Variants in NAT1 observed in about 807,000 individuals in gnomAD.
The protein encoded by NAT1 is arylamine N-acetyltransferase 1.
For synonymous variants in NAT1, 144 were observed against 122.6 expected (o/e 1.17, Z -1.16); for missense variants, 400 against 339.2 (o/e 1.18, Z -1.41).
intron 2 of NAT1, among the ~76,000 whole-genome samples, chr8:18,202,137 A>T (rs1803490104): frequency 6.6e-6 from 1 of 152,078 alleles, no homozygotes; most frequent in African/African-American, 2.4e-5. Context: ...TACATAACAA[A>T]CCTTATCTTT....
At chr8:18,187,475 T>C (rs1308518661) in intron 2 of NAT1, among the ~76,000 whole-genome samples, 2 of 152,150 alleles carry the variant, frequency 1.3e-5, no homozygotes, top group Non-Finnish European at 2.9e-5. Flanking sequence ...GGACTGGCTT[T>C]TAAAAATGTG....
intron 2 of NAT1, among the ~76,000 whole-genome samples, chr8:18,202,632 G>T (rs1019878561): frequency 1.1e-4 from 17 of 152,108 alleles, no homozygotes. Context: ...CGCAGTGAGC[G>T]TTACAGCTAT....
intron 2 of NAT1, among the ~76,000 whole-genome samples, chr8:18,190,137 G>A (rs1802922287): frequency 6.6e-6 from 1 of 152,090 alleles, no homozygotes; most frequent in African/African-American, 2.4e-5. Context: ...ATTTAATTCA[G>A]CTCTTATAAG....
chr8:18,222,410 C>G lies in NAT1; in HGVS notation c.363C>G (p.Val121=). ...QVTIDGRNYI[V]DAGFGRSYQM... ...CCATTGATGGCAGGAACTACATTGT[C>G]GATGCTGGGTTTGGACGCTCATACC... The change falls in exon 3 of 3, where the codon GTC becomes GTG. Residue 121 remains valine (V), a synonymous_variant. Transcript: ENST00000307719. 5 of 1,613,998 alleles carry G rather than the reference C, an allele frequency of 3.1e-6. No homozygotes were observed. Among genetic ancestry groups the G allele is most frequent in the Non-Finnish European group, 3.4e-6 (4 of 1,179,990 alleles).
chr8:18,206,220 T>C (rs2410478), upstream of NAT1, among the ~76,000 whole-genome samples: 1,658 of 152,298 alleles, frequency 0.011, 36 homozygotes, highest in African/African-American at 0.038. Flanking sequence ...CTGGAGCTGC[T>C]GGGGCACAGG....
At chr8:18,190,602 G>A (rs1285497754) in intron 2 of NAT1, among the ~76,000 whole-genome samples, 2 of 152,186 alleles carry the variant, frequency 1.3e-5, no homozygotes, top group South Asian at 2.1e-4. Context: ...GAAGCCATGA[G>A]CAGCTGCTCT....
At chr8:18,208,732 G>T (rs1803845812), upstream of NAT1, among the ~76,000 whole-genome samples, 1 of 152,160 alleles carries the variant, frequency 6.6e-6, no homozygotes, top group Admixed American at 6.5e-5. Flanking sequence ...CACTGCAGTG[G>T]AACACAGCAC....
chr8:18,222,299 T>G lies in NAT1; in HGVS notation c.252T>G (p.Phe84Leu). Residue 84 changes from phenylalanine to leucine, a missense_variant, in exon 3 of 3, where the codon TTT becomes TTG. Phe to Leu is a conservative substitution (Grantham distance 22, BLOSUM62 0). Coordinates refer to ENST00000307719, the MANE Select transcript of NAT1 (RefSeq NM_000662.8). Reference sequence around the variant, plus strand: ...ACTGGGCTCTGACCACTATTGGTTTTGAGACCACGATGTTGGGAGGGTATG... The same window carrying G: ...ACTGGGCTCTGACCACTATTGGTTTGGAGACCACGATGTTGGGAGGGTATG... ...LLYWALTTIG[F>L]ETTMLGGYVY... is the part of the protein sequence containing the mutation. 2 of 1,614,128 alleles carry G rather than the reference T, an allele frequency of 1.2e-6. No individual in the cohort carries two copies. Among genetic ancestry groups the G allele is most frequent in the Non-Finnish European group, 8.5e-7 (1 of 1,180,004 alleles).
intron 1 of NAT1, among the ~76,000 whole-genome samples, chr8:18,218,115 T>G (rs1333000966): frequency 1.3e-5 from 2 of 152,166 alleles, no homozygotes; most frequent in Non-Finnish European, 2.9e-5. Context: ...TTCCTGCTCT[T>G]TATTCCAGTG....
intron 2 of NAT1, among the ~76,000 whole-genome samples, chr8:18,203,445 T>C (rs1803563605): frequency 6.6e-6 from 1 of 152,236 alleles, no homozygotes; most frequent in South Asian, 2.1e-4. Context: ...AGGCTATCTC[T>C]CCTAGATTTT....
At chr8:18,200,173 C>G (rs1430223179) in intron 2 of NAT1, among the ~76,000 whole-genome samples, 5 of 152,162 alleles carry the variant, frequency 3.3e-5, no homozygotes, top group African/African-American at 1.2e-4. Context: ...CCATTTGACC[C>G]AGCAATCCTA....
intron 2 of NAT1, among the ~76,000 whole-genome samples, chr8:18,178,057 G>A (rs1802359369): frequency 6.6e-6 from 1 of 152,012 alleles, no homozygotes; most frequent in Admixed American, 6.6e-5. Flanking sequence ...TAGCTAAAAG[G>A]CATTATTAGG....
intron 2 of NAT1, among the ~76,000 whole-genome samples, chr8:18,180,523 G>A (rs1279247733): frequency 1.3e-5 from 2 of 152,064 alleles, no homozygotes; most frequent in East Asian, 3.8e-4. Flanking sequence ...TTCTTTTCTT[G>A]TAGTGTCCTT....
chr8:18,219,759 G>C (rs899409913), intron 2 of NAT1, among the ~76,000 whole-genome samples: 4 of 152,144 alleles, frequency 2.6e-5, no homozygotes, highest in Admixed American at 6.5e-5. Flanking sequence ...GTGTGATTTG[G>C]TTACAACATA....
At chr8:18,186,946 G>C (rs984622698) in intron 2 of NAT1, among the ~76,000 whole-genome samples, 1 of 152,120 alleles carries the variant, frequency 6.6e-6, no homozygotes, top group Admixed American at 6.6e-5. Context: ...AGGGGCCCCT[G>C]GCTAGAGGTC....
chr8:18,216,967 C>A (rs749293253), intron 1 of NAT1: 7 of 1,550,782 alleles, frequency 4.5e-6, no homozygotes, highest in South Asian at 3.6e-5. Context: ...AATAGCCTAC[C>A]GGTCTCTGAT....
upstream of NAT1, among the ~76,000 whole-genome samples, chr8:18,209,073 C>T (rs1803863404): frequency 6.6e-6 from 1 of 152,188 alleles, no homozygotes; most frequent in Non-Finnish European, 1.5e-5. Context: ...TGGACAACAC[C>T]AGGAGGCAGT....
chr8:18,196,525 C>T (rs758810605), intron 2 of NAT1, among the ~76,000 whole-genome samples: 2 of 152,222 alleles, frequency 1.3e-5, no homozygotes, highest in Non-Finnish European at 2.9e-5. Context: ...GGACCTTAAA[C>T]TATCTCCACT....
chr8:18,218,374 A>G (rs1804914933), intron 1 of NAT1, among the ~76,000 whole-genome samples: 1 of 152,184 alleles, frequency 6.6e-6, no homozygotes, highest in South Asian at 2.1e-4. Context: ...CATATAAGAA[A>G]CATATGGTAC....
Sources: gnomAD v4.1 joint callset for allele counts (sites outside exome capture counted in the v4.1 genomes callset) on GRCh38, gnomAD v4.1.1 for gene constraint, MANE v1.5 for transcripts, NCBI Gene and HGNC (gene_info 2026-07-23, HGNC 2026-07-21) for gene names.